The following AGBL4 variants were observed in gnomAD, a reference collection of about 807,000 sequenced individuals.
AGBL4 encodes the protein AGBL carboxypeptidase 4.
In AGBL4, 58 loss-of-function variants were observed where a neutral mutation model predicts 66.4. That is an observed-to-expected ratio of 0.87 (90% CI 0.71 to 1.09). The LOEUF is 1.09. Ranked by LOEUF, AGBL4 falls within the 50% of genes least tolerant of loss-of-function variation. The pLI, the probability that AGBL4 is intolerant of heterozygous loss-of-function variation, is 0.00. For synonymous variants in AGBL4, 234 were observed against 222.9 expected (o/e 1.05, Z -0.44); for missense variants, 579 against 631.0 (o/e 0.92, Z 0.88).
chr1:49,224,243 G>A (rs1649720925), intron 4 of AGBL4, among the ~76,000 whole-genome samples: 2 of 152,164 alleles, frequency 1.3e-5, no homozygotes, highest in Admixed American at 6.5e-5. Flanking sequence ...TCATCAGTGA[G>A]CAAATAGAAG....
chr1:48,950,020 C>T (rs533006128), intron 5 of AGBL4, among the ~76,000 whole-genome samples: 2 of 152,300 alleles, frequency 1.3e-5, no homozygotes, highest in South Asian at 4.1e-4. Context: ...CATATTATAA[C>T]AATCTACTAT....
intron 3 of AGBL4, among the ~76,000 whole-genome samples, chr1:49,521,287 G>A (rs988844952): frequency 1.7e-4 from 26 of 152,138 alleles, no homozygotes; most frequent in African/African-American, 5.8e-4. Context: ...GTACAAAAAA[G>A]AGCCTGACTA....
chr1:49,200,289 G>T (rs140896694), intron 4 of AGBL4, among the ~76,000 whole-genome samples: 128 of 152,234 alleles, frequency 8.4e-4, no homozygotes, highest in Non-Finnish European at 1.1e-3. Context: ...AAAACCAAAA[G>T]AACCTAAACT....
chr1:49,181,987 C>T (rs923267357), intron 4 of AGBL4, among the ~76,000 whole-genome samples: 9 of 152,168 alleles, frequency 5.9e-5, no homozygotes, highest in Non-Finnish European at 1.0e-4. Context: ...GTCAGCAGGA[C>T]GTAGGCAGTG....
intron 1 of AGBL4, among the ~76,000 whole-genome samples, chr1:49,892,044 G>A (rs559583986): frequency 2.0e-5 from 3 of 152,212 alleles, no homozygotes; most frequent in African/African-American, 7.2e-5. Flanking sequence ...AAGGACCAGA[G>A]GGACAGAGCA....
intron 4 of AGBL4, among the ~76,000 whole-genome samples, chr1:49,222,251 C>T (rs1402576455): frequency 1.3e-5 from 2 of 150,828 alleles, no homozygotes; most frequent in East Asian, 1.9e-4. Context: ...GAAATGTAAA[C>T]CATAAAATTG....
chr1:49,882,488 A>G (rs1216756136), intron 1 of AGBL4, among the ~76,000 whole-genome samples: 1 of 151,570 alleles, frequency 6.6e-6, no homozygotes, highest in Non-Finnish European at 1.5e-5. Flanking sequence ...CAGTATGGCC[A>G]TTTTCACGAT....
intron 1 of AGBL4, among the ~76,000 whole-genome samples, chr1:50,000,903 CAG>C (rs1660699771): frequency 6.6e-6 from 1 of 151,734 alleles, no homozygotes; most frequent in Non-Finnish European, 1.5e-5. Context: ...TTTCGGGACT[CAG>C]GGGGAAGGGT....
At chr1:49,837,269 C>T (rs1293901934) in intron 2 of AGBL4, among the ~76,000 whole-genome samples, 1 of 152,194 alleles carries the variant, frequency 6.6e-6, no homozygotes, top group Admixed American at 6.5e-5. Flanking sequence ...GAGGAGGATT[C>T]TAGAGATGCA....
intron 2 of AGBL4, among the ~76,000 whole-genome samples, chr1:49,721,718 A>G (rs1377970455): frequency 6.6e-6 from 1 of 152,186 alleles, no homozygotes; most frequent in Non-Finnish European, 1.5e-5. Context: ...CCAAGCAAGA[A>G]TTGATGGAGA....
chr1:48,730,273 C>G (rs547423520), intron 6 of AGBL4, among the ~76,000 whole-genome samples: 1 of 152,274 alleles, frequency 6.6e-6, no homozygotes, highest in Admixed American at 6.5e-5. Context: ...TTGTAGGAAC[C>G]TGAACCAAAT....
chr1:49,546,612 T>C (rs527371304), intron 3 of AGBL4, among the ~76,000 whole-genome samples: 2 of 152,228 alleles, frequency 1.3e-5, no homozygotes, highest in Admixed American at 6.5e-5. Flanking sequence ...GTGGCTGTAC[T>C]AGTCCCACCA....
intron 3 of AGBL4, among the ~76,000 whole-genome samples, chr1:49,380,595 T>C (rs1272692454): frequency 1.3e-5 from 2 of 152,190 alleles, no homozygotes; most frequent in African/African-American, 2.4e-5. Context: ...CTTCAAACTA[T>C]ACTACAAGGC....
At chr1:49,270,447 T>A (rs1399695175) in intron 3 of AGBL4, among the ~76,000 whole-genome samples, 2 of 152,150 alleles carry the variant, frequency 1.3e-5, no homozygotes, top group African/African-American at 2.4e-5. Flanking sequence ...GGGATATTTT[T>A]TTTTTTCTCA....
chr1:49,127,788 T>C (rs1313274257), intron 4 of AGBL4, among the ~76,000 whole-genome samples: 1 of 152,144 alleles, frequency 6.6e-6, no homozygotes, highest in Non-Finnish European at 1.5e-5. Context: ...AAAAGTACTC[T>C]GTAACAGATA....
intron 4 of AGBL4, among the ~76,000 whole-genome samples, chr1:49,071,101 A>AT (rs1461243432): frequency 6.6e-6 from 1 of 151,718 alleles, no homozygotes; most frequent in East Asian, 1.9e-4. Context: ...CCCCTTTATC[A>AT]TTTTTTATTG....
At chr1:48,615,681 T>TA (rs1424725914) in intron 9 of AGBL4, among the ~76,000 whole-genome samples, 2 of 152,232 alleles carry the variant, frequency 1.3e-5, no homozygotes, top group Non-Finnish European at 2.9e-5. Context: ...TCTTAAATCT[T>TA]ACATCCTCGG....
At chr1:48,874,535 G>A (rs996163119) in intron 5 of AGBL4, among the ~76,000 whole-genome samples, 1 of 152,084 alleles carries the variant, frequency 6.6e-6, no homozygotes, top group African/African-American at 2.4e-5. Flanking sequence ...GGCATTCAAG[G>A]AGGGTGCCAA....
At chr1:49,858,620 A>G (rs1646490513) in intron 1 of AGBL4, among the ~76,000 whole-genome samples, 1 of 152,170 alleles carries the variant, frequency 6.6e-6, no homozygotes, top group African/African-American at 2.4e-5. Context: ...AAGACCAAGA[A>G]CTAAAACTAG....
Sources: gnomAD v4.1 joint callset for allele counts (sites outside exome capture counted in the v4.1 genomes callset) on GRCh38, gnomAD v4.1.1 for gene constraint, MANE v1.5 for transcripts, NCBI Gene and HGNC (gene_info 2026-07-23, HGNC 2026-07-21) for gene names.